The following GPC6 variants were observed in gnomAD, a reference collection of about 807,000 sequenced individuals.
GPC6 encodes the protein glypican-6.
A neutral mutation model predicts 55.2 loss-of-function variants in GPC6; 14 were observed. The observed-to-expected ratio is 0.25, with a 90% CI of 0.17 to 0.40. The LOEUF is 0.40. Among genes scored for constraint, GPC6 ranks in the 10% least tolerant of loss-of-function variants. The probability of loss-of-function intolerance (pLI) is 1.00; values close to 1 mark genes in which losing one functional copy is unlikely to be tolerated. For missense variants in GPC6, 641 were observed against 708.5 expected, an observed-to-expected ratio of 0.90 and a Z score of 1.08; for synonymous variants, 278 against 259.6, an observed-to-expected ratio of 1.07 and a Z score of -0.68.
chr13:94,081,844 C>CA (rs540026379), intron 4 of GPC6, among the ~76,000 whole-genome samples: 5 of 133,002 alleles, frequency 3.8e-5, no homozygotes, highest in African/African-American at 8.4e-5. Context: ...TACTACTTTC[C>CA]TTTTTTTTTT....
chr13:93,656,035 A>C (rs1880650920), intron 2 of GPC6, among the ~76,000 whole-genome samples: 1 of 152,200 alleles, frequency 6.6e-6, no homozygotes, highest in African/African-American at 2.4e-5. Flanking sequence ...CAAGAAGTAA[A>C]ATTTTAAAGT....
intron 2 of GPC6, among the ~76,000 whole-genome samples, chr13:93,556,400 A>ATATG (rs1555311042): frequency 5.3e-5 from 6 of 114,064 alleles, no homozygotes; most frequent in South Asian, 5.2e-4. Flanking sequence ...GTGTGTATGT[A>ATATG]TGTATATGTA....
At chr13:93,469,464 A>G (rs1879032040) in intron 1 of GPC6, among the ~76,000 whole-genome samples, 1 of 152,194 alleles carries the variant, frequency 6.6e-6, no homozygotes, top group African/African-American at 2.4e-5. Context: ...TTAACAATGT[A>G]TCACAGAAAA....
At chr13:94,120,492 T>C (rs1420838921) in intron 4 of GPC6, among the ~76,000 whole-genome samples, 1 of 152,054 alleles carries the variant, frequency 6.6e-6, no homozygotes, top group Non-Finnish European at 1.5e-5. Flanking sequence ...GGGATGCATC[T>C]AGAAACTGAT....
At chr13:93,427,763 C>G (rs1877198693) in intron 1 of GPC6, among the ~76,000 whole-genome samples, 1 of 152,104 alleles carries the variant, frequency 6.6e-6, no homozygotes, top group Non-Finnish European at 1.5e-5. Context: ...GCCTCATAAG[C>G]ACACACAATA....
chr13:94,377,759 T>C (rs1219425653), intron 6 of GPC6, among the ~76,000 whole-genome samples: 3 of 152,148 alleles, frequency 2.0e-5, no homozygotes, highest in African/African-American at 7.2e-5. Context: ...ATGTTTACTG[T>C]GGCATTATTC....
chr13:93,639,157 T>C (rs1879812346), intron 2 of GPC6, among the ~76,000 whole-genome samples: 1 of 151,290 alleles, frequency 6.6e-6, no homozygotes, highest in South Asian at 2.1e-4. Flanking sequence ...GGTAAAAAAA[T>C]GAAATGGAGC....
intron 1 of GPC6, among the ~76,000 whole-genome samples, chr13:93,524,246 C>T (rs1182110822): frequency 6.6e-6 from 1 of 151,970 alleles, no homozygotes; most frequent in East Asian, 1.9e-4. Context: ...CTCAGAATCA[C>T]CACTCACCTC....
intron 1 of GPC6, among the ~76,000 whole-genome samples, chr13:93,229,476 A>G (rs886095013): frequency 1.1e-4 from 17 of 152,200 alleles, no homozygotes; most frequent in African/African-American, 3.9e-4. Flanking sequence ...GACTCTCAGG[A>G]GACTAGAGTT....
At chr13:94,099,468 T>C (rs186616505) in intron 4 of GPC6, among the ~76,000 whole-genome samples, 4 of 152,126 alleles carry the variant, frequency 2.6e-5, no homozygotes, top group Non-Finnish European at 4.4e-5. Context: ...TATAGGAGAC[T>C]CTATTTGCAA....
chr13:94,230,028 C>A (rs142811617), intron 4 of GPC6, among the ~76,000 whole-genome samples: 2,075 of 152,168 alleles, frequency 0.014, 27 homozygotes, highest in Non-Finnish European at 0.021. Flanking sequence ...TGGAGTTGGG[C>A]AGACAGATTC....
intron 1 of GPC6, among the ~76,000 whole-genome samples, chr13:93,461,663 C>T (rs1235646151): frequency 1.0e-3 from 6 of 5,716 alleles, no homozygotes; most frequent in African/African-American, 5.3e-3. Context: ...TAGGTCCCGG[C>T]GGGGGGGTTG....
rs115576924 is a variant in GPC6, at chr13:93,795,877, T to G, written c.320-34277T>G. 1.3e-3 allele frequency among the ~76,000 whole-genome samples: 202 copies of G among 152,196 alleles called. 1 individual carries two copies. Among genetic ancestry groups the G allele is most frequent in the African/African-American group, 4.7e-3 (197 of 41,512 alleles). ...GAAGTATTTTGAAAAGTTAGGAATT[T>G]GAGTTGGAAAGGCATCCAGAAAATT... On this transcript the variant is annotated intron_variant, in intron 2 of 8. Transcript: ENST00000377047.
chr13:93,407,193 T>C (rs578090509), intron 1 of GPC6, among the ~76,000 whole-genome samples: 10 of 152,260 alleles, frequency 6.6e-5, no homozygotes, highest in South Asian at 4.1e-4. Flanking sequence ...AGTCAAGATA[T>C]TTGCAACTTA....
At chr13:93,987,117 A>G (rs1290297144) in intron 3 of GPC6, among the ~76,000 whole-genome samples, 1 of 152,174 alleles carries the variant, frequency 6.6e-6, no homozygotes, top group Non-Finnish European at 1.5e-5. Flanking sequence ...TCTCATGAGA[A>G]TGTGATAAAG....
intron 6 of GPC6, among the ~76,000 whole-genome samples, chr13:94,307,999 TA>T (rs970993776): frequency 1.2e-3 from 187 of 151,528 alleles, no homozygotes; most frequent in Non-Finnish European, 2.2e-3. Flanking sequence ...ATTGTTCACT[TA>T]AAAAAAAACT....
At chr13:93,385,935 C>T (rs562713725) in intron 1 of GPC6, among the ~76,000 whole-genome samples, 1 of 151,948 alleles carries the variant, frequency 6.6e-6, no homozygotes, top group African/African-American at 2.4e-5. Context: ...CGGATGTATT[C>T]TATAAAAAGG....
chr13:93,412,042 A>T (rs539892054), intron 1 of GPC6, among the ~76,000 whole-genome samples: 1 of 152,042 alleles, frequency 6.6e-6, no homozygotes, highest in East Asian at 1.9e-4. Flanking sequence ...AATAGCCATT[A>T]TATTCTCTCC....
intron 4 of GPC6, among the ~76,000 whole-genome samples, chr13:94,255,852 C>T (rs922831465): frequency 2.6e-5 from 4 of 152,046 alleles, no homozygotes; most frequent in Non-Finnish European, 4.4e-5. Context: ...CTTGTGAGGC[C>T]ATTTGGTCAA....
Sources: allele counts gnomAD v4.1 joint callset (sites outside exome capture counted in the v4.1 genomes callset), GRCh38; gene constraint gnomAD v4.1.1; transcripts MANE v1.5; gene names NCBI Gene and HGNC (gene_info 2026-07-23, HGNC 2026-07-21).